The following NSMCE2 variants were observed in gnomAD, a reference collection of about 807,000 sequenced individuals.
NSMCE2 encodes NSE2 SUMO ligase component of SMC5/6 complex, also known as E3 SUMO-protein ligase NSE2.
In NSMCE2, 24 loss-of-function variants were observed where a neutral mutation model predicts 23.8. The ratio of observed to expected loss-of-function variants is 1.01; its 90% CI spans 0.73 to 1.42. The LOEUF (loss-of-function observed/expected upper bound fraction) is 1.42. Among genes scored for constraint, NSMCE2 ranks in the 40% most tolerant of loss-of-function variants. The pLI, the probability that NSMCE2 is intolerant of heterozygous loss-of-function variation, is 0.00. For synonymous variants in NSMCE2, 92 were observed against 94.1 expected (o/e 0.98, Z 0.13); for missense variants, 284 against 296.5 (o/e 0.96, Z 0.31).
chr8:125,173,239 C>G (rs1222965485), intron 4 of NSMCE2, among the ~76,000 whole-genome samples: 1 of 152,190 alleles, frequency 6.6e-6, no homozygotes, highest in Non-Finnish European at 1.5e-5. Context: ...TGAAATCATT[C>G]TTCACTTGGG....
chr8:125,166,625 A>G (rs535799805), intron 4 of NSMCE2, among the ~76,000 whole-genome samples: 2 of 152,198 alleles, frequency 1.3e-5, no homozygotes, highest in South Asian at 4.1e-4. Context: ...AACAATTCAC[A>G]TTTTCCTGTC....
intron 5 of NSMCE2, among the ~76,000 whole-genome samples, chr8:125,279,526 G>A (rs983234560): frequency 1.3e-5 from 2 of 152,162 alleles, no homozygotes; most frequent in Non-Finnish European, 2.9e-5. Context: ...GGTCAAGTCT[G>A]CTTAACTTTG....
At chr8:125,211,449 T>C (rs1463241800) in intron 5 of NSMCE2, among the ~76,000 whole-genome samples, 1 of 152,188 alleles carries the variant, frequency 6.6e-6, no homozygotes, top group Non-Finnish European at 1.5e-5. Context: ...CCTCACTTTT[T>C]AATGGCTATA....
chr8:125,158,450 CAGG>C, intron 4 of NSMCE2, among the ~76,000 whole-genome samples: 1 of 152,278 alleles, frequency 6.6e-6, no homozygotes. Flanking sequence ...AGGAGACACA[CAGG>C]AGCAGCAGAA....
chr8:125,305,313 G>T (rs1014807049), intron 5 of NSMCE2, among the ~76,000 whole-genome samples: 1 of 152,182 alleles, frequency 6.6e-6, no homozygotes, highest in East Asian at 1.9e-4. Flanking sequence ...TAAACTCAGA[G>T]GAGCCCAGTG....
intron 5 of NSMCE2, among the ~76,000 whole-genome samples, chr8:125,282,300 G>C (rs562959534): frequency 1.3e-5 from 2 of 152,030 alleles, no homozygotes; most frequent in African/African-American, 2.4e-5. Flanking sequence ...TTTTAGTAGA[G>C]CCGGGGTTTC....
chr8:125,347,306 A>G (rs1398309479), intron 5 of NSMCE2, among the ~76,000 whole-genome samples: 3 of 152,064 alleles, frequency 2.0e-5, no homozygotes, highest in African/African-American at 7.2e-5. Flanking sequence ...TGTAATCCTC[A>G]TTGTCTCAAT....
chr8:125,109,214 C>T (rs999794620), intron 3 of NSMCE2, among the ~76,000 whole-genome samples: 4 of 152,118 alleles, frequency 2.6e-5, no homozygotes, highest in African/African-American at 7.2e-5. Context: ...ATCTTTGTGA[C>T]CTTGGGCAAA....
chr8:125,244,912 A>T (rs1825899094), intron 5 of NSMCE2, among the ~76,000 whole-genome samples: 2 of 152,228 alleles, frequency 1.3e-5, no homozygotes, highest in Admixed American at 6.5e-5. Context: ...TTTGTATGCT[A>T]CAGAAAGTAA....
At chr8:125,277,545 C>T (rs1050974257) in intron 5 of NSMCE2, among the ~76,000 whole-genome samples, 2 of 150,664 alleles carry the variant, frequency 1.3e-5, no homozygotes, top group African/African-American at 2.4e-5. Flanking sequence ...CTCGCTTTGT[C>T]GCCCAGGCTG....
At chr8:125,160,310 A>G (rs1821539741) in intron 4 of NSMCE2, among the ~76,000 whole-genome samples, 1 of 152,228 alleles carries the variant, frequency 6.6e-6, no homozygotes, top group Non-Finnish European at 1.5e-5. Context: ...TAAAGAACTC[A>G]TTTCTCTGGA....
At chr8:125,093,056 T>C (rs1817750363) in intron 1 of NSMCE2, among the ~76,000 whole-genome samples, 1 of 152,224 alleles carries the variant, frequency 6.6e-6, no homozygotes, top group African/African-American at 2.4e-5. Flanking sequence ...AACCAAGCCA[T>C]GAAAGATGGT....
intron 4 of NSMCE2, among the ~76,000 whole-genome samples, chr8:125,151,935 A>G (rs1399835160): frequency 2.0e-5 from 3 of 152,132 alleles, no homozygotes; most frequent in African/African-American, 7.2e-5. Context: ...TGTTGAACTG[A>G]TTTTGTATAC....
chr8:125,118,239 G>A (rs751504535), intron 3 of NSMCE2, among the ~76,000 whole-genome samples: 24 of 152,020 alleles, frequency 1.6e-4, no homozygotes, highest in African/African-American at 4.8e-4. Context: ...CCAGCTACTC[G>A]GGAGGCTAAG....
At chr8:125,269,544 C>A (rs1437445598) in intron 5 of NSMCE2, among the ~76,000 whole-genome samples, 4 of 152,156 alleles carry the variant, frequency 2.6e-5, no homozygotes, top group Non-Finnish European at 5.9e-5. Flanking sequence ...CTGTGCTCAT[C>A]ATGGCTTGGA....
chr8:125,264,379 G>A (rs1035318087), intron 5 of NSMCE2, among the ~76,000 whole-genome samples: 2 of 152,088 alleles, frequency 1.3e-5, no homozygotes, highest in Non-Finnish European at 2.9e-5. Context: ...TCTCAGCAGC[G>A]CCTGTCCCAG....
intron 5 of NSMCE2, among the ~76,000 whole-genome samples, chr8:125,257,336 A>T (rs181685307): frequency 6.6e-6 from 1 of 151,766 alleles, no homozygotes; most frequent in Non-Finnish European, 1.5e-5. Flanking sequence ...CACAAAAGAG[A>T]TGGGAAAAGA....
chr8:125,359,288 A>G (rs956820275), intron 7 of NSMCE2, among the ~76,000 whole-genome samples: 8 of 135,742 alleles, frequency 5.9e-5, no homozygotes, highest in South Asian at 2.4e-4. Flanking sequence ...AAAAAGAGGG[A>G]GGATTCTGGG....
chr8:125,164,346 G>GT (rs1351530219), intron 4 of NSMCE2, among the ~76,000 whole-genome samples: 1 of 152,192 alleles, frequency 6.6e-6, no homozygotes, highest in Non-Finnish European at 1.5e-5. Context: ...ATTCAAGGCT[G>GT]TTTTCATGAC....
Sources: gnomAD v4.1 joint callset for allele counts (sites outside exome capture counted in the v4.1 genomes callset) on GRCh38, gnomAD v4.1.1 for gene constraint, MANE v1.5 for transcripts, NCBI Gene and HGNC (gene_info 2026-07-23, HGNC 2026-07-21) for gene names.